The following CCDC192 variants were observed in gnomAD, a reference collection of about 807,000 sequenced individuals.
CCDC192 encodes the protein coiled-coil domain-containing protein 192.
intron 6 of CCDC192, among the ~76,000 whole-genome samples, chr5:127,914,584 G>A (rs1753464896): frequency 6.6e-6 from 1 of 152,060 alleles, no homozygotes; most frequent in African/African-American, 2.4e-5. Flanking sequence ...TTGTGAACCT[G>A]TACAAATGGT....
intron 6 of CCDC192, among the ~76,000 whole-genome samples, chr5:127,932,755 T>TA (rs1397914856): frequency 1.3e-5 from 2 of 152,082 alleles, no homozygotes; most frequent in East Asian, 1.9e-4. Flanking sequence ...AACAAAACAA[T>TA]AAAAAAGCTC....
At chr5:127,739,578 C>T (rs111959850) in intron 2 of CCDC192, 164 of 155,788 alleles carry the variant, frequency 1.1e-3, no homozygotes, top group African/African-American at 2.4e-3. Context: ...TAGCAGTCAG[C>T]GAGACTCTGT....
chr5:127,846,234 A>G (rs994264273), intron 5 of CCDC192, among the ~76,000 whole-genome samples: 39 of 151,326 alleles, frequency 2.6e-4, no homozygotes, highest in African/African-American at 9.5e-4. Context: ...GGTTGCAGTG[A>G]GCCAAGATCG....
At chr5:127,869,510 C>G (rs772241450) in intron 5 of CCDC192, among the ~76,000 whole-genome samples, 1 of 152,162 alleles carries the variant, frequency 6.6e-6, no homozygotes, top group Non-Finnish European at 1.5e-5. Context: ...TTTTGGACAA[C>G]TCTACTATTA....
intron 3 of CCDC192, among the ~76,000 whole-genome samples, chr5:127,772,329 G>A (rs767381107): frequency 2.0e-4 from 30 of 152,038 alleles, no homozygotes; most frequent in Admixed American, 1.1e-3. Flanking sequence ...GCGTGGTGGC[G>A]TGCACTGTAA....
At chr5:127,823,483 A>G (rs544589113) in intron 5 of CCDC192, among the ~76,000 whole-genome samples, 21 of 152,252 alleles carry the variant, frequency 1.4e-4, no homozygotes, top group East Asian at 9.6e-4. Context: ...TACTTATTCA[A>G]TTTCCCACAC....
intron 5 of CCDC192, among the ~76,000 whole-genome samples, chr5:127,856,196 C>T (rs1250693457): frequency 6.6e-6 from 1 of 152,166 alleles, no homozygotes; most frequent in Admixed American, 6.5e-5. Flanking sequence ...GGATAACTTC[C>T]TACAGCTTCT....
intron 5 of CCDC192, among the ~76,000 whole-genome samples, chr5:127,808,063 T>A (rs748459285): frequency 2.1e-4 from 32 of 152,196 alleles, no homozygotes; most frequent in Non-Finnish European, 3.7e-4. Context: ...TAGTATGCCT[T>A]CCTGCACCAG....
chr5:127,914,762 T>A (rs1402804133), intron 6 of CCDC192, among the ~76,000 whole-genome samples: 1 of 152,178 alleles, frequency 6.6e-6, no homozygotes, highest in East Asian at 1.9e-4. Flanking sequence ...GAGCTTAACA[T>A]GAATTAACTC....
chr5:127,738,060 A>T (rs1753135366), intron 2 of CCDC192, among the ~76,000 whole-genome samples: 1 of 152,024 alleles, frequency 6.6e-6, no homozygotes, highest in African/African-American at 2.4e-5. Flanking sequence ...ATTTTGCAAC[A>T]GCTGGTACCA....
rs1754396374 is a variant in CCDC192 at position 127,941,295 on chromosome 5, A to G, written c.649A>G (p.Ile217Val). Residue 217 changes from isoleucine (I) to valine (V), a missense_variant, in exon 7 of 7, where the codon ATT (isoleucine) becomes GTT (valine). Ile to Val is a conservative substitution (Grantham distance 29). Coordinates refer to ENST00000514853, the MANE Select transcript of CCDC192 (RefSeq NM_001317938.2). ...CCAGGTTTCCCTTCAGACTGAGAGA[A>G]TTACTCAGCTGAAAGAAGTTTTGGA... ...STQVSLQTER[I>V]TQLKEVLEEK... 5.0e-6 allele frequency: 2 copies of G among 399,060 alleles called. No homozygotes were observed. Among genetic ancestry groups the G allele is most frequent in the Middle Eastern group, 1.3e-3 (2 of 1,588 alleles). The allele number at this position is 399,060 out of a possible 1,614,324, so 24.7% of individuals were successfully genotyped here.
At chr5:127,891,634 A>T (rs1279181450) in intron 6 of CCDC192, among the ~76,000 whole-genome samples, 1 of 152,188 alleles carries the variant, frequency 6.6e-6, no homozygotes, top group East Asian at 1.9e-4. Flanking sequence ...TACTATCTGC[A>T]TAGGAACATG....
At chr5:127,711,384 G>T (rs1233928703) in intron 2 of CCDC192, among the ~76,000 whole-genome samples, 1 of 152,070 alleles carries the variant, frequency 6.6e-6, no homozygotes, top group Non-Finnish European at 1.5e-5. Flanking sequence ...TTTTTAATTT[G>T]TAAGATCAAA....
chr5:127,894,651 C>T (rs1752828686), intron 6 of CCDC192, among the ~76,000 whole-genome samples: 1 of 152,128 alleles, frequency 6.6e-6, no homozygotes. Context: ...TAAAGGAATG[C>T]TAAGTAACTA....
chr5:127,915,423 C>T (rs1753492686), intron 6 of CCDC192, among the ~76,000 whole-genome samples: 1 of 152,170 alleles, frequency 6.6e-6, no homozygotes, highest in African/African-American at 2.4e-5. Flanking sequence ...TCGCTGTCGC[C>T]CAGGCTGGAA....
chr5:127,752,290 T>C (rs911359332), intron 2 of CCDC192, among the ~76,000 whole-genome samples: 10 of 152,188 alleles, frequency 6.6e-5, no homozygotes, highest in Non-Finnish European at 7.3e-5. Context: ...GATGGGTTTT[T>C]GGTGTGGATG....
intron 5 of CCDC192, among the ~76,000 whole-genome samples, chr5:127,874,779 GACA>G (rs2127132740): frequency 6.6e-6 from 1 of 152,278 alleles, no homozygotes; most frequent in African/African-American, 2.4e-5. Context: ...TTTCACAACA[GACA>G]GCTTCTCCAA....
At chr5:127,913,113 T>G (rs75225461) in intron 6 of CCDC192, among the ~76,000 whole-genome samples, 1 of 152,318 alleles carries the variant, frequency 6.6e-6, no homozygotes, top group African/African-American at 2.4e-5. Context: ...CAAGCAGATA[T>G]GAACTTAAGT....
intron 3 of CCDC192, among the ~76,000 whole-genome samples, chr5:127,787,407 C>G (rs1756606693): frequency 6.6e-6 from 1 of 152,168 alleles, no homozygotes; most frequent in Non-Finnish European, 1.5e-5. Context: ...CCACCTCGTC[C>G]CATAAGTTTT....
Sources: allele counts gnomAD v4.1 joint callset (sites outside exome capture counted in the v4.1 genomes callset), GRCh38; gene constraint gnomAD v4.1.1; transcripts MANE v1.5; gene names NCBI Gene and HGNC (gene_info 2026-07-23, HGNC 2026-07-21).